BCL11B: variants seen among roughly 807,000 people sequenced by gnomAD.
BCL11B encodes BCL11 transcription factor B.
In BCL11B, 8 loss-of-function variants were observed where a neutral mutation model predicts 49.9. That is an observed-to-expected ratio of 0.16 (90% CI 0.09 to 0.29). The LOEUF (loss-of-function observed/expected upper bound fraction) is 0.29. Ranked by LOEUF, BCL11B falls within the 10% of genes least tolerant of loss-of-function variation. BCL11B has a pLI of 1.00. For missense variants in BCL11B, 1,006 were observed against 1,351.0 expected (o/e 0.74, Z 4.00); for synonymous variants, 739 against 637.4 (o/e 1.16, Z -2.40).
chr14:99,218,936 C>A (rs545949821), intron 3 of BCL11B, among the ~76,000 whole-genome samples: 1 of 152,346 alleles, frequency 6.6e-6, no homozygotes, highest in African/African-American at 2.4e-5. Flanking sequence ...AAGCTGTGTG[C>A]CCACAGAGGC....
chr14:99,231,886 C>G lies in BCL11B; in HGVS notation c.428-329G>C, dbSNP rs948060184. The stretch of plus-strand genomic sequence containing the variant: ...GGACCCACTCTCAGGAAGGACCCCC[C>G]ACGTGGGGGCCTCTGGAGCAATCAA... On this transcript the variant is annotated intron_variant, in intron 2 of 3. Transcript: ENST00000357195. The surrounding 1 kb of genome is among the most constrained non-coding windows in gnomAD (Gnocchi z 8.1). Among the ~76,000 whole-genome samples the G allele has an allele frequency of 6.6e-6, 1 of 151,874 alleles. No homozygotes were observed. Among genetic ancestry groups the G allele is most frequent in the African/African-American group, 2.4e-5 (1 of 41,356 alleles).
chr14:99,261,606 C>T (rs899127930), intron 1 of BCL11B, among the ~76,000 whole-genome samples: 2 of 152,146 alleles, frequency 1.3e-5, no homozygotes, highest in Non-Finnish European at 2.9e-5. Flanking sequence ...CCAGCAAACT[C>T]GGGCCTTAAA....
chr14:99,214,889 C>T (rs558331512), intron 3 of BCL11B, among the ~76,000 whole-genome samples: 72 of 152,222 alleles, frequency 4.7e-4, no homozygotes, highest in African/African-American at 1.7e-3. Context: ...CTTGAGGCTA[C>T]AGCACCCAGG....
At chr14:99,266,415 C>A (rs1889484505) in intron 1 of BCL11B, among the ~76,000 whole-genome samples, 1 of 152,034 alleles carries the variant, frequency 6.6e-6, no homozygotes, top group Non-Finnish European at 1.5e-5. Flanking sequence ...AACGTCAAGA[C>A]CACGGACGAA....
Position 99,231,686 on chromosome 14 carries a change from T to G in BCL11B, c.428-129A>C. On this transcript the variant is annotated intron_variant, in intron 2 of 3. Coordinates refer to ENST00000357195, the MANE Select transcript of BCL11B (RefSeq NM_138576.4). The surrounding 1 kb of genome is among the most constrained non-coding windows in gnomAD (Gnocchi z 8.1). ...CTTCGGGGGTGGGAGGCCCCCGGGGTGCCAGGCCCTGCAGGGAAGGCAATC... is the reference window on the plus strand; with the variant it reads ...CTTCGGGGGTGGGAGGCCCCCGGGGGGCCAGGCCCTGCAGGGAAGGCAATC... 2 of 857,882 alleles carry G rather than the reference T, an allele frequency of 2.3e-6. No homozygotes were observed. 53.1% of individuals were successfully genotyped at this position (857,882 alleles called of 1,614,324 possible).
rs114873774 is a variant in BCL11B, at chr14:99,206,718, T to C, written c.640+24627A>G. ...AACTGTTCTATTTCATTATTAATTA[T>C]TGTTGTTAATCTCTTACTGTGCTGA... On this transcript the variant is annotated intron_variant, in intron 3 of 3. Coordinates refer to ENST00000357195, the MANE Select transcript of BCL11B (RefSeq NM_138576.4). Among the ~76,000 whole-genome samples the C allele has an allele frequency of 5.7e-3, 870 of 152,374 alleles. 9 individuals carry two copies. The highest frequency in any genetic ancestry group is 0.02 in the African/African-American group (847 of 41,580).
intron 3 of BCL11B, among the ~76,000 whole-genome samples, chr14:99,208,772 A>C (rs1887606359): frequency 6.6e-6 from 1 of 152,346 alleles, no homozygotes; most frequent in Non-Finnish European, 1.5e-5. Context: ...GCTCGCTGGA[A>C]GAACCGCTCT....
intron 2 of BCL11B, among the ~76,000 whole-genome samples, chr14:99,251,153 A>T (rs1298773101): frequency 6.6e-6 from 1 of 152,126 alleles, no homozygotes; most frequent in African/African-American, 2.4e-5. Context: ...ACCTGTCCTG[A>T]CTCGAGATAA....
intron 2 of BCL11B, among the ~76,000 whole-genome samples, chr14:99,246,937 G>T (rs1327485216): frequency 1.3e-5 from 2 of 152,166 alleles, no homozygotes; most frequent in Admixed American, 1.3e-4. Flanking sequence ...GCGCCCAGAG[G>T]TTCGAAAGCA....
rs751817230 is a variant in BCL11B at position 99,242,257 on chromosome 14, A to G, written c.428-10700T>C. Among the ~76,000 whole-genome samples the G allele has an allele frequency of 6.6e-6, 1 of 152,220 alleles. No individual in the cohort carries two copies. Among genetic ancestry groups the G allele is most frequent in the Non-Finnish European group, 1.5e-5 (1 of 68,038 alleles). On this transcript the variant is annotated intron_variant, in intron 2 of 3. Transcript: ENST00000357195. The surrounding 1 kb of genome is among the most constrained non-coding windows in gnomAD (Gnocchi z 4.4). ...ATGGAAGACCCAGTTCATACAGACA[A>G]TATTTACATGGGCGTTGCATGATCT...
rs1186299472 is a variant in BCL11B at position 99,247,556 on chromosome 14, C to G, written c.427+9915G>C. Among the ~76,000 whole-genome samples the G allele has an allele frequency of 2.0e-5, 3 of 152,224 alleles. No individual in the cohort carries two copies. Among genetic ancestry groups the G allele is most frequent in the African/African-American group, 7.2e-5 (3 of 41,452 alleles). On this transcript the variant is annotated intron_variant, in intron 2 of 3. Transcript: ENST00000357195. The surrounding 1 kb of genome is among the most constrained non-coding windows in gnomAD (Gnocchi z 4.5). ...CCTGGAATCCCTGGTTGGCTGGCTACACTCTCCAGGAGGTGTGCTCTACCC... is the reference window on the plus strand; with the variant it reads ...CCTGGAATCCCTGGTTGGCTGGCTAGACTCTCCAGGAGGTGTGCTCTACCC...
intron 3 of BCL11B, among the ~76,000 whole-genome samples, chr14:99,211,028 T>C (rs1887672883): frequency 6.6e-6 from 1 of 152,098 alleles, no homozygotes; most frequent in Admixed American, 6.5e-5. Context: ...ATCATAATAA[T>C]AAGATCAATA....
intron 2 of BCL11B, among the ~76,000 whole-genome samples, chr14:99,238,260 C>T (rs1193188507): frequency 6.6e-6 from 1 of 152,128 alleles, no homozygotes; most frequent in East Asian, 1.9e-4. Context: ...CCGACACTAC[C>T]AAAACCTTTC....
In BCL11B at chr14:99,195,423, G is replaced by A. The variant is rs1053494982; in HGVS notation, c.641-19228C>T. 2.6e-5 allele frequency among the ~76,000 whole-genome samples: 4 copies of A among 152,094 alleles called. No homozygotes were observed. Among genetic ancestry groups the A allele is most frequent in the African/African-American group, 4.8e-5 (2 of 41,396 alleles). On this transcript the variant is annotated intron_variant, in intron 3 of 3. Transcript: ENST00000357195. This position sits in a 1 kb window ranked among gnomAD's most constrained non-coding sequence, Gnocchi z 4.7. Reference sequence around the variant, plus strand: ...ATGCTGCAGGCGAATGGTGCACCCAGCATTCTATCCTTGCCCACCCCACCA... The same window carrying A: ...ATGCTGCAGGCGAATGGTGCACCCAACATTCTATCCTTGCCCACCCCACCA...
At chr14:99,199,394 C>T (rs1456781208) in intron 3 of BCL11B, among the ~76,000 whole-genome samples, 1 of 152,126 alleles carries the variant, frequency 6.6e-6, no homozygotes. Flanking sequence ...CAATTAGAGG[C>T]GAAGTTTCAA....
In BCL11B at chr14:99,228,167, C is replaced by A. The variant is rs1182365151; in HGVS notation, c.640+3178G>T. 2.0e-5 allele frequency among the ~76,000 whole-genome samples: 3 copies of A among 152,190 alleles called. No individual in the cohort carries two copies. The highest frequency in any genetic ancestry group is 2.0e-4 in the Admixed American group (3 of 15,276). On this transcript the variant is annotated intron_variant, in intron 3 of 3. Transcript: ENST00000357195. This position sits in a 1 kb window ranked among gnomAD's most constrained non-coding sequence, Gnocchi z 4.8. ...AGAGATGGGTTCAATGCATCCTGAT[C>A]CGAAAAGGGACAAAACCAGGTAAGG...
intron 1 of BCL11B, among the ~76,000 whole-genome samples, chr14:99,260,337 G>A (rs368233254): frequency 1.2e-4 from 19 of 152,274 alleles, no homozygotes; most frequent in Non-Finnish European, 2.6e-4. Context: ...CAGCTGGACC[G>A]TCCTTTCTGA....
rs1181718784 is a variant in BCL11B at position 99,228,103 on chromosome 14, T to A, written c.640+3242A>T. Among the ~76,000 whole-genome samples the A allele has an allele frequency of 6.6e-6, 1 of 152,204 alleles. No homozygotes were observed. Among genetic ancestry groups the A allele is most frequent in the Admixed American group, 6.5e-5 (1 of 15,286 alleles). On this transcript the variant is annotated intron_variant, in intron 3 of 3. Coordinates refer to ENST00000357195, the MANE Select transcript of BCL11B (RefSeq NM_138576.4). The surrounding 1 kb of genome is among the most constrained non-coding windows in gnomAD (Gnocchi z 4.8). ...GTAACAGGCACGCAATTAACCTGTG[T>A]GAAACACGTTTACACTGGGGTTCTC...
In BCL11B at chr14:99,174,495, C is replaced by G. The variant is rs900202261; in HGVS notation, c.2341G>C (p.Gly781Arg). 11 of 1,537,678 alleles carry G rather than the reference C, an allele frequency of 7.2e-6. No individual in the cohort carries two copies. Among genetic ancestry groups the G allele is most frequent in the Non-Finnish European group, 8.7e-6 (10 of 1,145,556 alleles). Reference sequence around the variant, plus strand: ...GAGCTGGGCCGCCCGGGGCCCGGGCCGCCCAGGTGCGGGGTGCTGCCTCCG... The same window carrying G: ...GAGCTGGGCCGCCCGGGGCCCGGGCGGCCCAGGTGCGGGGTGCTGCCTCCG... ...ASGGSTPHLG[G>R]PGPGRPSSKE... Residue 781 changes from glycine to arginine, a missense_variant, in exon 4 of 4, where the codon GGC (glycine) becomes CGC (arginine). Physicochemically the swap from Gly to Arg is moderately radical, Grantham distance 125 (BLOSUM62 -2). This residue lies in a region of BCL11B where 443 missense variants were observed against 499.7 expected (regional missense o/e 0.89). Coordinates refer to ENST00000357195, the MANE Select transcript of BCL11B (RefSeq NM_138576.4).
Sources: allele counts gnomAD v4.1 joint callset (sites outside exome capture counted in the v4.1 genomes callset), GRCh38; gene constraint gnomAD v4.1.1; regional missense constraint gnomAD v4.1.1; non-coding constraint Gnocchi (gnomAD v3.1); transcripts MANE v1.5; gene names NCBI Gene and HGNC (gene_info 2026-07-23, HGNC 2026-07-21).